FBLN1: variants seen among roughly 807,000 people sequenced by gnomAD.
FBLN1 encodes the protein fibulin-1.
FBLN1 carries 34 observed loss-of-function variants against 89.7 expected under a neutral mutation model. The ratio of observed to expected loss-of-function variants is 0.38; its 90% confidence interval spans 0.29 to 0.50. FBLN1 has a LOEUF of 0.50. FBLN1 is among the 20% of genes least tolerant of loss of function. The pLI, the probability that FBLN1 is intolerant of heterozygous loss-of-function variation, is 0.92. For missense variants in FBLN1, 777 were observed against 988.1 expected, an observed-to-expected ratio of 0.79 and a Z score of 2.86; for synonymous variants, 393 against 391.3, an observed-to-expected ratio of 1.00 and a Z score of -0.05.
chr22:45,575,644 C>A lies in FBLN1; in HGVS notation c.1840+991C>A, dbSNP rs1327820131. ...GTGTAACCCAGTCAGTGCTCCCACA[C>A]CCCAGCCTGGCTCTCTAGGAAGCTC... is the stretch of plus-strand genomic sequence containing the variant. On this transcript the variant is annotated intron_variant, in intron 15 of 16. Transcript: ENST00000327858. The surrounding 1 kb of genome is among the most constrained non-coding windows in gnomAD (Gnocchi z 6.3). 6.6e-6 allele frequency among the ~76,000 whole-genome samples: 1 copy of A among 152,166 alleles called. No homozygotes were observed. The highest frequency in any genetic ancestry group is 1.5e-5 in the Non-Finnish European group (1 of 68,020).
chr22:45,596,629 ATATAAT>A (rs895414084), intron 16 of FBLN1, among the ~76,000 whole-genome samples: 3 of 148,354 alleles, frequency 2.0e-5, no homozygotes, highest in Admixed American at 1.4e-4. Context: ...CAACATAATA[ATATAAT>A]TATATACATA....
Position 45,546,939 on chromosome 22 carries a change from G to A in FBLN1, c.1322-146G>A, listed in dbSNP as rs1342888071. 43 of 1,294,942 alleles carry A rather than the reference G, an allele frequency of 3.3e-5. No individual in the cohort carries two copies. In the Admixed American group the frequency reaches 5.4e-4, roughly 16 times the overall value. The allele number at this position is 1,294,942 out of a possible 1,614,324, so 80.2% of individuals were successfully genotyped here. A position where few individuals can be genotyped will look rare whatever the true frequency, so the allele number is the denominator to read the frequency against. ...CCACCAGCGATGACGCCTCTCCCTC[G>A]GCCACACCCCCCGGGACCTCTGTCT... On this transcript the variant is annotated intron_variant, in intron 11 of 16. Transcript: ENST00000327858.
At chr22:45,539,121 C>T (rs136750) in intron 8 of FBLN1, among the ~76,000 whole-genome samples, 4 of 100,924 alleles carry the variant, frequency 4.0e-5, no homozygotes, top group Non-Finnish European at 4.1e-5. Context: ...CTTCCCCTCC[C>T]CCTCCCCTCC....
chr22:45,503,031 C>T lies in FBLN1; in HGVS notation c.46C>T (p.Leu16=). 1 of 1,253,132 alleles carries T rather than the reference C, an allele frequency of 8.0e-7. No individual in the cohort carries two copies. Among genetic ancestry groups the T allele is most frequent in the South Asian group, 3.2e-5 (1 of 30,886 alleles). The allele number at this position is 1,253,132 out of a possible 1,614,324, so 77.6% of individuals were successfully genotyped here. ...GCGCCGGGTCCCGCTTCCGCTGCTG[C>T]TGCTCGGCGGCCTTGCGCTGCTGGC... ...PSRRVPLPLL[L]LGGLALLAAG... Residue 16 remains leucine, a synonymous_variant, in exon 1 of 17, where the codon CTG becomes TTG. Transcript: ENST00000327858.
chr22:45,575,700 C>G lies in FBLN1; in HGVS notation c.1840+1047C>G, dbSNP rs569662795. ...ATGCAGTGTAGTCATGTTGTGTAAC[C>G]TGCCATCACTGCACCGTTTCTCTGG... On this transcript the variant is annotated intron_variant, in intron 15 of 16. Transcript: ENST00000327858. This position sits in a 1 kb window ranked among gnomAD's most constrained non-coding sequence, Gnocchi z 6.3. 2.0e-5 allele frequency among the ~76,000 whole-genome samples: 3 copies of G among 152,150 alleles called. No homozygotes were observed. Among genetic ancestry groups the G allele is most frequent in the African/African-American group, 7.2e-5 (3 of 41,428 alleles).
At chr22:45,565,678 C>G (rs945115352) in intron 14 of FBLN1, 7 of 184,446 alleles carry the variant, frequency 3.8e-5, no homozygotes, top group Non-Finnish European at 6.9e-5. Flanking sequence ...CAGTAAACAT[C>G]TGAATAAACA....
At chr22:45,564,799 G>T in intron 14 of FBLN1, 4 of 1,555,494 alleles carry the variant, frequency 2.6e-6, no homozygotes, top group Non-Finnish European at 3.5e-6. Flanking sequence ...GTCAATGTCT[G>T]TTCAGGGAAC....
At chr22:45,527,740 A>C (rs1165177982) in intron 3 of FBLN1, 107 bp from the exon 4 acceptor site, 1 of 1,136,210 alleles carries the variant, frequency 8.8e-7, no homozygotes, top group Non-Finnish European at 1.3e-6. Flanking sequence ...ATCACTCTAC[A>C]GGTTGTGTGG....
At position 45,556,251 on chromosome 22, in the gene FBLN1, C is replaced by G. The variant is rs1312567535; in HGVS notation, c.1697+5636C>G. On this transcript the variant is annotated intron_variant, in intron 14 of 16. Coordinates refer to ENST00000327858, the MANE Select transcript of FBLN1 (RefSeq NM_006486.3). This position sits in a 1 kb window ranked among gnomAD's most constrained non-coding sequence, Gnocchi z 4.6. Reference sequence around the variant, plus strand: ...CCTCAAGTGATCCTCCCGCCTCGGCCTCCCAAAATGCTGGGATTACAGTCG... The same window carrying G: ...CCTCAAGTGATCCTCCCGCCTCGGCGTCCCAAAATGCTGGGATTACAGTCG... Among the ~76,000 whole-genome samples, 5 of 152,150 alleles carry G rather than the reference C, an allele frequency of 3.3e-5. No individual in the cohort carries two copies. The highest frequency in any genetic ancestry group is 1.5e-5 in the Non-Finnish European group (1 of 68,024).
rs1224747139 is a variant in FBLN1 at position 45,561,204 on chromosome 22, C to A, written c.1697+10589C>A. 6.6e-6 allele frequency among the ~76,000 whole-genome samples: 1 copy of A among 152,186 alleles called. No individual in the cohort carries two copies. The highest frequency in any genetic ancestry group is 1.5e-5 in the Non-Finnish European group (1 of 68,046). ...TGCATCTTTCATTGCAGGTCAGCCA[C>A]TCGCATGATAAGAGCTTGTGTCTGT... On this transcript the variant is annotated intron_variant, in intron 14 of 16. Transcript: ENST00000327858. This position sits in a 1 kb window ranked among gnomAD's most constrained non-coding sequence, Gnocchi z 4.7.
intron 14 of FBLN1, among the ~76,000 whole-genome samples, chr22:45,569,078 A>G (rs925741121): frequency 6.6e-6 from 1 of 152,142 alleles, no homozygotes; most frequent in Non-Finnish European, 1.5e-5. Context: ...TACATCTGCA[A>G]TGACCGTAGT....
intron 1 of FBLN1, among the ~76,000 whole-genome samples, chr22:45,505,173 T>G (rs1292779184): frequency 6.6e-6 from 1 of 152,220 alleles, no homozygotes; most frequent in African/African-American, 2.4e-5. Context: ...CCGTTGGGCT[T>G]TACTGAGAGC....
intron 14 of FBLN1, among the ~76,000 whole-genome samples, chr22:45,553,572 GA>G (rs1480401317): frequency 6.6e-6 from 1 of 152,246 alleles, no homozygotes; most frequent in Admixed American, 6.5e-5. Flanking sequence ...TACGATCATT[GA>G]AGCCAGGACT....
intron 9 of FBLN1, 89 bp downstream of exon 9, chr22:45,541,461 C>G: frequency 6.5e-7 from 1 of 1,536,444 alleles, no homozygotes; most frequent in South Asian, 1.2e-5. Flanking sequence ...AAGTTGATCC[C>G]CAAAGCAAAG....
Position 45,590,226 on chromosome 22 carries a change from T to TC in FBLN1, c.1973-10074dup, listed in dbSNP as rs1001842599. ...GGCTGCCCGCCAGGCCAGCCTCTCTTCCCCCCCATCCCTCCAGACCTTCAT... is the reference window on the plus strand; with the variant it reads ...GGCTGCCCGCCAGGCCAGCCTCTCTTCCCCCCCCATCCCTCCAGACCTTCAT... On this transcript the variant is annotated intron_variant, in intron 16 of 16. Transcript: ENST00000327858. This position sits in a 1 kb window ranked among gnomAD's most constrained non-coding sequence, Gnocchi z 4.1. 1.3e-5 allele frequency among the ~76,000 whole-genome samples: 2 copies of TC among 151,960 alleles called. No homozygotes were observed. The highest frequency in any genetic ancestry group is 1.3e-4 in the Admixed American group (2 of 15,254).
Position 45,536,356 on chromosome 22 carries a change from GT to G in FBLN1, c.922+1020del, listed in dbSNP as rs1056038136. Among the ~76,000 whole-genome samples the G allele has an allele frequency of 2.0e-5, 3 of 152,094 alleles. No homozygotes were observed. The highest frequency in any genetic ancestry group is 1.3e-4 in the Admixed American group (2 of 15,276). ...GTTCTGGAGATGGATGGGGGTGATG[GT>G]GGCACGACAGTGTGAATGCAGTAAT... On this transcript the variant is annotated intron_variant, in intron 8 of 16. Transcript: ENST00000327858. This position sits in a 1 kb window ranked among gnomAD's most constrained non-coding sequence, Gnocchi z 5.1.
Position 45,550,770 on chromosome 22 carries a change from C to A in FBLN1, c.1697+155C>A. On this transcript the variant is annotated intron_variant, in intron 14 of 16. Transcript: ENST00000327858. This position sits in a 1 kb window ranked among gnomAD's most constrained non-coding sequence, Gnocchi z 8.4. Reference sequence around the variant, plus strand: ...TCACCTGATCCCTGGCCCTCAAGCCCCTAAATGCTAGTGACACTGGTCTCG... The same window carrying A: ...TCACCTGATCCCTGGCCCTCAAGCCACTAAATGCTAGTGACACTGGTCTCG... 1 of 1,085,672 alleles carries A rather than the reference C, an allele frequency of 9.2e-7. No individual in the cohort carries two copies. 67.3% of individuals were successfully genotyped at this position (1,085,672 alleles called of 1,614,324 possible).
chr22:45,525,151 G>A (rs1295523527), intron 2 of FBLN1, among the ~76,000 whole-genome samples: 1 of 148,062 alleles, frequency 6.8e-6, no homozygotes, highest in Non-Finnish European at 1.5e-5. Flanking sequence ...GAAAGAAAGA[G>A]GAAGAGAAGG....
chr22:45,527,783 T>C, intron 3 of FBLN1, 64 bp from the exon 4 acceptor site: 1 of 1,596,556 alleles, frequency 6.3e-7, no homozygotes, highest in Non-Finnish European at 8.6e-7. Flanking sequence ...CCCTGAGGCC[T>C]CTCGTGGACC....
Sources: allele counts gnomAD v4.1 joint callset (sites outside exome capture counted in the v4.1 genomes callset), GRCh38; gene constraint gnomAD v4.1.1; non-coding constraint Gnocchi (gnomAD v3.1); transcripts MANE v1.5; gene names NCBI Gene and HGNC (gene_info 2026-07-23, HGNC 2026-07-21).